Variants in COL12A1 observed in about 807,000 individuals in gnomAD.
COL12A1 encodes collagen alpha-1(XII) chain.
COL12A1 carries 114 observed loss-of-function variants against 349.7 expected under a neutral mutation model. The observed-to-expected ratio is 0.33, with a 90% confidence interval of 0.28 to 0.38. The LOEUF (loss-of-function observed/expected upper bound fraction) is 0.38. COL12A1 is among the 10% of genes least tolerant of loss of function. The pLI is 1.00. For missense variants in COL12A1, 3,284 were observed against 3,756.9 expected (o/e 0.87, Z 3.29); for synonymous variants, 1,369 against 1,329.0 (o/e 1.03, Z -0.66).
intron 26 of COL12A1, among the ~76,000 whole-genome samples, chr6:75,142,383 A>T (rs1320167618): frequency 6.6e-6 from 1 of 152,202 alleles, no homozygotes; most frequent in Non-Finnish European, 1.5e-5. Context: ...GACTCTCTAG[A>T]AAATAATTAC....
chr6:75,188,536 C>G lies in COL12A1; in HGVS notation c.824-1G>C. 1 of 1,611,566 alleles carries G rather than the reference C, an allele frequency of 6.2e-7. No individual in the cohort carries two copies. ...TCTTTTGCATCTGCAGCTTTAATGC[C>G]TTCAAAACAAAAGGATAAGGACATA... On this transcript the variant is annotated splice_acceptor_variant, in intron 7 of 65. Transcript: ENST00000322507. LOFTEE classifies it high-confidence loss of function.
intron 15 of COL12A1, 57 bp from the exon 16 acceptor site, chr6:75,155,911 C>G: frequency 1.3e-6 from 2 of 1,504,034 alleles, no homozygotes; most frequent in Admixed American, 2.4e-5. Flanking sequence ...TTTGGGGTTT[C>G]TTTTTTATTA....
Position 75,091,591 on chromosome 6 carries a change from CATA to C in COL12A1, c.8650-69_8650-67del, listed in dbSNP as rs1240496548. ...TACTCTAAAATGATGCATGAATAGA[CATA>C]ATGATGAACGAGAACAAGTTCTGTT... On this transcript the variant is annotated intron_variant, in intron 60 of 65. Coordinates refer to ENST00000322507, the MANE Select transcript of COL12A1 (RefSeq NM_004370.6). 2.1e-5 allele frequency: 31 copies of C among 1,450,710 alleles called. No individual in the cohort carries two copies. The African/African-American group carries it at 3.5e-4, about 17-fold the overall frequency. The allele number at this position is 1,450,710 out of a possible 1,614,324, so 89.9% of individuals were successfully genotyped here. A position where few individuals can be genotyped will look rare whatever the true frequency, so the allele number is the denominator to read the frequency against.
intron 31 of COL12A1, 32 bp downstream of exon 31, chr6:75,137,405 A>C: frequency 6.5e-7 from 1 of 1,531,050 alleles, no homozygotes; most frequent in Non-Finnish European, 8.8e-7. Context: ...TGGTAGAATT[A>C]ATCCAAGTTA....
chr6:75,130,644 T>C (rs1042020544), intron 36 of COL12A1, among the ~76,000 whole-genome samples: 1 of 152,138 alleles, frequency 6.6e-6, no homozygotes, highest in Non-Finnish European at 1.5e-5. Context: ...CCTTAACTCA[T>C]GTCCCAAATG....
At position 75,116,022 on chromosome 6, in the gene COL12A1, G is replaced by A. The variant is rs1303885425; in HGVS notation, c.7555C>T (p.Pro2519Ser). The change falls in exon 48 of 66, where the codon CCA (proline) becomes TCA (serine). Residue 2519 changes from proline (P) to serine (S), a missense_variant. By Grantham distance (74) the Pro-to-Ser change is moderately conservative. This residue lies in a region of COL12A1 where 683 missense variants were observed against 932.1 expected (regional missense o/e 0.73). Coordinates refer to ENST00000322507, the MANE Select transcript of COL12A1 (RefSeq NM_004370.6). ...PLIYLDGYTS[P>S]GFKMLEAYNL... ...GCCCCAAAGTATAAATGCTTACCTG[G>A]TGAGGTGTAGCCATCCAAATAAATG... The A allele has an allele frequency of 6.2e-7, 1 of 1,613,386 alleles. No homozygotes were observed. The highest frequency in any genetic ancestry group is 1.1e-5 in the South Asian group (1 of 91,058).
intron 10 of COL12A1, among the ~76,000 whole-genome samples, 173 bp downstream of exon 10, chr6:75,182,877 G>A (rs923562486): frequency 2.0e-5 from 3 of 152,110 alleles, no homozygotes; most frequent in African/African-American, 7.2e-5. Flanking sequence ...TCCATATCCA[G>A]GAGAAAGTCA....
chr6:75,124,497 T>A, intron 40 of COL12A1, 126 bp from the exon 41 acceptor site: 1 of 630,782 alleles, frequency 1.6e-6, no homozygotes, highest in Non-Finnish European at 2.6e-6. Context: ...TTATGTTTCC[T>A]TATAAGAAAC....
chr6:75,116,789 A>G (rs1380768088), intron 47 of COL12A1, among the ~76,000 whole-genome samples: 2 of 152,112 alleles, frequency 1.3e-5, no homozygotes, highest in African/African-American at 4.8e-5. Flanking sequence ...TGTAGGATAA[A>G]TTGCCTCCTG....
chr6:75,152,577 T>C (rs1767549607), intron 17 of COL12A1, 95 bp from the exon 18 acceptor site: 5 of 1,415,390 alleles, frequency 3.5e-6, no homozygotes, highest in South Asian at 2.4e-5. Context: ...ATCCTCAGTG[T>C]TGCCTGTCTC....
rs200201449 is a variant in COL12A1 at position 75,138,457 on chromosome 6, C to T, written c.5221G>A (p.Glu1741Lys). ...AAAGCTAAACACCTACGTGTGCGCT[C>T]ACTGCCAATCAGGTCATCACTTTCT... Reference protein sequence around the residue: ...ESESDDLIGSERTLPILTTQA... With the variant: ...ESESDDLIGSKRTLPILTTQA... The change falls in exon 29 of 66, where the codon GAG becomes AAG. Residue 1741 changes from glutamate to lysine, a missense_variant. This residue lies in a region of COL12A1 where 2,601 missense variants were observed against 2,824.8 expected (regional missense o/e 0.92). Coordinates refer to ENST00000322507, the MANE Select transcript of COL12A1 (RefSeq NM_004370.6). 4.8e-4 allele frequency: 774 copies of T among 1,613,348 alleles called. 2 individuals carry two copies. Among genetic ancestry groups the T allele is most frequent in the Middle Eastern group, 2.0e-3 (12 of 6,058 alleles).
In COL12A1 at chr6:75,130,129, T is replaced by C; in HGVS notation, c.6172A>G (p.Ile2058Val). 2 of 1,614,098 alleles carry C rather than the reference T, an allele frequency of 1.2e-6. No individual in the cohort carries two copies. The highest frequency in any genetic ancestry group is 1.1e-5 in the South Asian group (1 of 91,066). The stretch of plus-strand genomic sequence containing the variant: ...GGATCACCAACAGTGGGAGAATAGA[T>C]GATCCTGTACTGCTGAACTGGCCCA... ...ADGPVQQYRI[I>V]YSPTVGDPID... Residue 2058 changes from isoleucine (I) to valine (V), a missense_variant, in exon 37 of 66, where the codon ATC (isoleucine) becomes GTC (valine). Around this residue, in one of 2 missense-constraint regions of COL12A1, gnomAD observed 2,601 missense variants for 2,824.8 expected, o/e 0.92. Transcript: ENST00000322507.
chr6:75,178,122 A>G (rs1769073295), intron 11 of COL12A1, among the ~76,000 whole-genome samples, 187 bp from the exon 12 acceptor site: 1 of 152,210 alleles, frequency 6.6e-6, no homozygotes, highest in Non-Finnish European at 1.5e-5. Flanking sequence ...TGAAACAGCA[A>G]ATATGAATTC....
At chr6:75,175,937 G>T (rs996112006) in intron 12 of COL12A1, among the ~76,000 whole-genome samples, 3 of 152,164 alleles carry the variant, frequency 2.0e-5, no homozygotes, top group Admixed American at 2.0e-4. Flanking sequence ...CCTCTTTGAA[G>T]GTTCCTAAGG....
intron 2 of COL12A1, among the ~76,000 whole-genome samples, chr6:75,200,658 G>A (rs113597915): frequency 0.057 from 8,634 of 152,172 alleles, 266 homozygotes; most frequent in African/African-American, 0.064. Context: ...TACAAAAAAA[G>A]TCAAGTATCT....
Position 75,194,941 on chromosome 6 carries a change from G to A in COL12A1, c.80C>T (p.Pro27Leu), listed in dbSNP as rs1159718327. 1 of 1,573,536 alleles carries A rather than the reference G, an allele frequency of 6.4e-7. No individual in the cohort carries two copies. The highest frequency in any genetic ancestry group is 8.7e-7 in the Non-Finnish European group (1 of 1,149,786). The change falls in exon 3 of 66, where the codon CCA becomes CTA. Residue 27 changes from proline (P) to leucine (L), a missense_variant. By Grantham distance (98) the Pro-to-Leu change is moderately conservative. Coordinates refer to ENST00000322507, the MANE Select transcript of COL12A1 (RefSeq NM_004370.6). ...AATTTTAAAATTCAAGTCTGAAGGT[G>A]GGTCAACTGCAAAAGAGAGAGTTTA... ...LLSSIEAEVD[P>L]PSDLNFKIID...
At chr6:75,157,562 C>T (rs12523693) in intron 14 of COL12A1, among the ~76,000 whole-genome samples, 1 of 152,214 alleles carries the variant, frequency 6.6e-6, no homozygotes, top group Non-Finnish European at 1.5e-5. Flanking sequence ...GATTGCCCAG[C>T]TATTGCTTGG....
intron 17 of COL12A1, 61 bp downstream of exon 17, chr6:75,154,355 G>C: frequency 6.4e-7 from 1 of 1,568,012 alleles, no homozygotes; most frequent in South Asian, 1.2e-5. Flanking sequence ...TACCCTAACA[G>C]TTCACATTTG....
At chr6:75,169,349 G>A (rs1239924766) in intron 13 of COL12A1, among the ~76,000 whole-genome samples, 4 of 152,164 alleles carry the variant, frequency 2.6e-5, no homozygotes, top group East Asian at 3.8e-4. Context: ...GGAGAAGAAC[G>A]TAAAGATGCC....
Sources: gnomAD v4.1 joint callset for allele counts (sites outside exome capture counted in the v4.1 genomes callset) on GRCh38, gnomAD v4.1.1 for gene constraint, gnomAD v4.1.1 regional missense constraint, MANE v1.5 for transcripts, NCBI Gene and HGNC (gene_info 2026-07-23, HGNC 2026-07-21) for gene names.